PICK1: variants seen among roughly 807,000 people sequenced by gnomAD.
PICK1 encodes protein interacting with PRKCA 1.
PICK1 carries 23 observed loss-of-function variants against 48.9 expected under a neutral mutation model. That is an observed-to-expected ratio of 0.47 (90% CI 0.34 to 0.67). The LOEUF (loss-of-function observed/expected upper bound fraction) is 0.67, where lower values mean the gene tolerates loss of function less well. Among genes scored for constraint, PICK1 ranks in the 30% least tolerant of loss-of-function variants. PICK1 has a pLI of 0.01. For synonymous variants in PICK1, 217 were observed against 228.2 expected, an observed-to-expected ratio of 0.95 and a Z score of 0.44; for missense variants, 423 against 557.1, an observed-to-expected ratio of 0.76 and a Z score of 2.42.
intron 6 of PICK1, 97 bp downstream of exon 6, chr22:38,069,219 C>T (rs1412300233): frequency 1.1e-6 from 1 of 879,816 alleles, no homozygotes; most frequent in African/African-American, 1.7e-5. Context: ...GCTGTGGGTC[C>T]CGCGGGTCTG....
chr22:38,067,703 G>C lies in PICK1; in HGVS notation c.283-1G>C. The C allele has an allele frequency of 6.2e-7, 1 of 1,613,174 alleles. No homozygotes were observed. Among genetic ancestry groups the C allele is most frequent in the Non-Finnish European group, 8.5e-7 (1 of 1,179,186 alleles). The stretch of plus-strand genomic sequence containing the variant: ...CTAGTCTGTGTGTGCTGCTCTTCCA[G>C]GGGGAGGTGACCATCCACTACAACA... On this transcript the variant is annotated splice_acceptor_variant, in intron 4 of 12. Transcript: ENST00000356976. LOFTEE classifies it high-confidence loss of function.
Position 38,075,036 on chromosome 22 carries a change from G to C in PICK1, c.1152G>C (p.Glu384Asp). 6.2e-7 allele frequency: 1 copy of C among 1,613,404 alleles called. No homozygotes were observed. The highest frequency in any genetic ancestry group is 8.5e-7 in the Non-Finnish European group (1 of 1,180,008). The change falls in exon 13 of 13, where the codon GAG (glutamate) becomes GAC (aspartate). Residue 384 changes from glutamate to aspartate, a missense_variant. Transcript: ENST00000356976. ...NQEEFTDGEE[E>D]EEEEDTAAGE... ...AGGAGTTCACAGATGGGGAGGAGGA[G>C]GAGGAGGAGGAAGACACGGCAGCTG... is the stretch of plus-strand genomic sequence containing the variant.
In PICK1 at chr22:38,067,289, T is replaced by C. The variant is rs1009899328; in HGVS notation, c.283-415T>C. 2.0e-5 allele frequency among the ~76,000 whole-genome samples: 3 copies of C among 150,226 alleles called. No individual in the cohort carries two copies. The South Asian group carries it at 6.3e-4, about 31-fold the overall frequency. On this transcript the variant is annotated intron_variant, in intron 4 of 12. Transcript: ENST00000356976. ...CATGTCACAGCGCTCAGCCTGGCCCTTACTGGGGCTTAGGATTCTTTTTTT... is the reference window on the plus strand; with the variant it reads ...CATGTCACAGCGCTCAGCCTGGCCCCTACTGGGGCTTAGGATTCTTTTTTT...
chr22:38,059,406 G>T, intron 3 of PICK1, 61 bp downstream of exon 3: 1 of 1,166,816 alleles, frequency 8.6e-7, no homozygotes. Context: ...ACAAAGGCAG[G>T]TTCATTTCTC....
At chr22:38,068,136 GGCCTGGCGCCTCATGCCCTCTA>G (rs1279549012) in intron 5 of PICK1, 1 of 477,418 alleles carries the variant, frequency 2.1e-6, no homozygotes, top group Non-Finnish European at 4.3e-6. Context: ...GCCTAACCCT[GGCCTGGCGCCTCATGCCCTCTA>G]GCACAGCGCA....
Position 38,073,861 on chromosome 22 carries a change from C to A in PICK1, c.834+38C>A. On this transcript the variant is annotated intron_variant, in intron 11 of 12. Coordinates refer to ENST00000356976, the MANE Select transcript of PICK1 (RefSeq NM_012407.4). This position sits in a 1 kb window ranked among gnomAD's most constrained non-coding sequence, Gnocchi z 5.7. ...GGGGGTGGGGGGCTTGTACTTCCCCCCACCTGGTCTGCCAGGGATAGCAGG... is the reference window on the plus strand; with the variant it reads ...GGGGGTGGGGGGCTTGTACTTCCCCACACCTGGTCTGCCAGGGATAGCAGG... 1 of 1,601,162 alleles carries A rather than the reference C, an allele frequency of 6.2e-7. No homozygotes were observed. Among genetic ancestry groups the A allele is most frequent in the South Asian group, 1.1e-5 (1 of 90,870 alleles).
In PICK1 at chr22:38,074,590, C is replaced by A; in HGVS notation, c.979+139C>A. ...CCCAGCCATCTGCCCAGAGCCTGGCCTGGGTGGAGCTGGCCTGTGCGCGTG... is the reference window on the plus strand; with the variant it reads ...CCCAGCCATCTGCCCAGAGCCTGGCATGGGTGGAGCTGGCCTGTGCGCGTG... On this transcript the variant is annotated intron_variant, in intron 12 of 12. Coordinates refer to ENST00000356976, the MANE Select transcript of PICK1 (RefSeq NM_012407.4). The surrounding 1 kb of genome is among the most constrained non-coding windows in gnomAD (Gnocchi z 4.5). The A allele has an allele frequency of 1.6e-6, 2 of 1,248,300 alleles. No homozygotes were observed. Among genetic ancestry groups the A allele is most frequent in the Admixed American group, 2.0e-5 (1 of 50,324 alleles). The allele number at this position is 1,248,300 out of a possible 1,614,324, so 77.3% of individuals were successfully genotyped here.
chr22:38,072,631 G>T (rs1409715650), intron 9 of PICK1, 21 bp downstream of exon 9: 1 of 1,612,240 alleles, frequency 6.2e-7, no homozygotes, highest in Admixed American at 1.7e-5. Flanking sequence ...TTGAGCATGT[G>T]TGTGTCTGGC....
chr22:38,072,484 G>A lies in PICK1; in HGVS notation c.564G>A (p.Gly188=). The change falls in exon 9 of 13, where the codon GGG becomes GGA. Residue 188 remains glycine, a synonymous_variant. Coordinates refer to ENST00000356976, the MANE Select transcript of PICK1 (RefSeq NM_012407.4). ...GGCAAACTTGTCCTGCAGCCTTTGG[G>A]GACGTGTTCTCCGTGATCGGGGTGC... ...YELSQTHRAF[G]DVFSVIGVRE... The A allele has an allele frequency of 6.2e-7, 1 of 1,613,070 alleles. No homozygotes were observed.
chr22:38,067,327 T>TTG (rs2085553013), intron 4 of PICK1: 2 of 193,346 alleles, frequency 1.0e-5, no homozygotes, highest in Admixed American at 5.5e-5. Context: ...TTTTTTTTTT[T>TTG]GAGACAGAAT....
At chr22:38,058,799 G>A (rs1017164997) in intron 2 of PICK1, among the ~76,000 whole-genome samples, 1 of 152,118 alleles carries the variant, frequency 6.6e-6, no homozygotes, top group African/African-American at 2.4e-5. Flanking sequence ...GAGGTCAGGA[G>A]TTCAAGACCA....
In PICK1 at chr22:38,065,027, T is replaced by C. The variant is rs2085491550; in HGVS notation, c.179T>C (p.Leu60Ser). 6.2e-7 allele frequency: 1 copy of C among 1,614,024 alleles called. No homozygotes were observed. The highest frequency in any genetic ancestry group is 8.5e-7 in the Non-Finnish European group (1 of 1,180,002). The change falls in exon 4 of 13, where the codon TTG becomes TCG. Residue 60 changes from leucine to serine, a missense_variant. Physicochemically the swap from Leu to Ser is moderately radical, Grantham distance 145 (BLOSUM62 -2). This residue lies in a region of PICK1 where 279 missense variants were observed against 417.8 expected (regional missense o/e 0.67). Coordinates refer to ENST00000356976, the MANE Select transcript of PICK1 (RefSeq NM_012407.4). ...VQVFDNTPAA[L>S]DGTVAAGDEI... ...GTATTTGACAACACCCCAGCAGCCT[T>C]GGACGGCACAGTGGCAGCTGGCGAT... is the stretch of plus-strand genomic sequence containing the variant.
Position 38,074,414 on chromosome 22 carries a change from T to C in PICK1, c.942T>C (p.Asp314=). The C allele has an allele frequency of 6.2e-7, 1 of 1,613,122 alleles. No homozygotes were observed. Among genetic ancestry groups the C allele is most frequent in the Non-Finnish European group, 8.5e-7 (1 of 1,179,968 alleles). Residue 314 remains aspartate, a synonymous_variant, in exon 12 of 13, where the codon GAT becomes GAC. Transcript: ENST00000356976. This position sits in a 1 kb window ranked among gnomAD's most constrained non-coding sequence, Gnocchi z 4.5. ...CCCGCTTCTCCCAGATGCGCAAGGA[T>C]GTGCTGGAGAAGATGGAGCTGCTGG... The part of the protein sequence containing the change: ...ARARFSQMRK[D]VLEKMELLDQ...
At chr22:38,059,907 C>T (rs771736491) in intron 3 of PICK1, among the ~76,000 whole-genome samples, 1 of 152,170 alleles carries the variant, frequency 6.6e-6, no homozygotes, top group Non-Finnish European at 1.5e-5. Flanking sequence ...CGACCTAACA[C>T]ACTAGAAGTT....
At chr22:38,069,914 G>A (rs1029373832) in intron 6 of PICK1, among the ~76,000 whole-genome samples, 1 of 152,170 alleles carries the variant, frequency 6.6e-6, no homozygotes, top group Non-Finnish European at 1.5e-5. Context: ...GCCTTAAATA[G>A]GGTTTCTAAA....
rs373937870 is a variant in PICK1, at chr22:38,072,580, C to G, written c.660C>G (p.Phe220Leu). ...ATGCCCACCGCAGCATCGAGAAGTT[C>G]GGCATTCGGCTTCTGAAAACCATCA... ...FADAHRSIEK[F>L]GIRLLKTIKP... is the part of the protein sequence containing the mutation. The change falls in exon 9 of 13, where the codon TTC (phenylalanine) becomes TTG (leucine). Residue 220 changes from phenylalanine to leucine, a missense_variant. Transcript: ENST00000356976. 5 of 1,613,318 alleles carry G rather than the reference C, an allele frequency of 3.1e-6. No individual in the cohort carries two copies. The South Asian group carries it at 5.5e-5, about 18-fold the overall frequency.
chr22:38,065,228 A>T, intron 4 of PICK1, 98 bp downstream of exon 4: 1 of 1,217,526 alleles, frequency 8.2e-7, no homozygotes, highest in Middle Eastern at 2.2e-4. Context: ...AGGGGGTATC[A>T]GCCCTCACCG....
chr22:38,059,026 A>G (rs569872968), intron 2 of PICK1, among the ~76,000 whole-genome samples: 1 of 152,242 alleles, frequency 6.6e-6, no homozygotes, highest in South Asian at 2.1e-4. Context: ...ACCAAGTTCC[A>G]CAGCTGATAA....
In PICK1 at chr22:38,057,855, G is replaced by A; in HGVS notation, c.41+5G>A. 1 of 1,612,266 alleles carries A rather than the reference G, an allele frequency of 6.2e-7. No individual in the cohort carries two copies. Among genetic ancestry groups the A allele is most frequent in the Non-Finnish European group, 8.5e-7 (1 of 1,178,264 alleles). Reference sequence around the variant, plus strand: ...TGACATCGAAGAGGATAAACTGTGAGTATTTTATTCCCCCAAGTTCCAGCA... The same window carrying A: ...TGACATCGAAGAGGATAAACTGTGAATATTTTATTCCCCCAAGTTCCAGCA... On this transcript the variant is annotated splice_donor_5th_base_variant and intron_variant, in intron 2 of 12. Coordinates refer to ENST00000356976, the MANE Select transcript of PICK1 (RefSeq NM_012407.4).
Sources: gnomAD v4.1 joint callset for allele counts (sites outside exome capture counted in the v4.1 genomes callset) on GRCh38, gnomAD v4.1.1 for gene constraint, gnomAD v4.1.1 regional missense constraint, Gnocchi (gnomAD v3.1) non-coding constraint, MANE v1.5 for transcripts, NCBI Gene and HGNC (gene_info 2026-07-23, HGNC 2026-07-21) for gene names.